Variants in C12orf42 observed in about 807,000 individuals in gnomAD.
C12orf42 encodes chromosome 12 open reading frame 42.
A neutral mutation model predicts 21.6 loss-of-function variants in C12orf42; 25 were observed. The observed-to-expected ratio is 1.16, with a 90% CI of 0.84 to 1.62. The LOEUF (loss-of-function observed/expected upper bound fraction) is 1.62. Among genes scored for constraint, C12orf42 ranks in the 40% most tolerant of loss-of-function variants. C12orf42 has a pLI of 0.00. For missense variants in C12orf42, 483 were observed against 459.3 expected (o/e 1.05, Z -0.47); for synonymous variants, 174 against 175.0 (o/e 0.99, Z 0.05).
At chr12:103,357,662 G>A (rs2043709565) in intron 4 of C12orf42, among the ~76,000 whole-genome samples, 1 of 152,030 alleles carries the variant, frequency 6.6e-6, no homozygotes, top group African/African-American at 2.4e-5. Context: ...ATAACATGGA[G>A]TCAGTCTTCA....
chr12:103,193,834 G>A, the C12orf42 span, among the ~76,000 whole-genome samples: 1 of 151,914 alleles, frequency 6.6e-6, no homozygotes, highest in African/African-American at 2.4e-5. Flanking sequence ...TTTTTTGTGA[G>A]CCCAGCATCA....
chr12:103,086,410 A>G, the C12orf42 span, among the ~76,000 whole-genome samples: 5 of 151,584 alleles, frequency 3.3e-5, no homozygotes, highest in Non-Finnish European at 5.9e-5. Context: ...ATTCATAGCA[A>G]ACCAAAGGAA....
intron 10 of C12orf42, among the ~76,000 whole-genome samples, chr12:103,241,465 ATC>A (rs2033741582): frequency 6.6e-6 from 1 of 152,186 alleles, no homozygotes; most frequent in South Asian, 2.1e-4. Context: ...TTTGAAAAAT[ATC>A]TGGCAAATTT....
intron 3 of C12orf42, among the ~76,000 whole-genome samples, chr12:103,373,857 A>G (rs183163966): frequency 6.6e-6 from 1 of 152,346 alleles, no homozygotes; most frequent in East Asian, 1.9e-4. Flanking sequence ...AATAGCCACT[A>G]GGTATACAAA....
chr12:103,077,209 A>C, the C12orf42 span, among the ~76,000 whole-genome samples: 3 of 152,242 alleles, frequency 2.0e-5, 1 homozygote, highest in South Asian at 4.1e-4. Flanking sequence ...TGTTTTACAA[A>C]TCTGGAAGCA....
downstream of C12orf42, among the ~76,000 whole-genome samples, chr12:103,236,604 A>C (rs556034304): frequency 2.0e-5 from 3 of 152,336 alleles, no homozygotes; most frequent in East Asian, 3.9e-4. Flanking sequence ...TGAATGACCA[A>C]GATTTCATTT....
the C12orf42 span, among the ~76,000 whole-genome samples, chr12:103,520,693 GA>G: frequency 2.7e-5 from 4 of 147,964 alleles, no homozygotes; most frequent in South Asian, 2.1e-4. Context: ...AAAACATAAT[GA>G]AAAAAAAAAT....
chr12:103,167,271 G>T, the C12orf42 span, among the ~76,000 whole-genome samples: 1 of 152,124 alleles, frequency 6.6e-6, no homozygotes, highest in African/African-American at 2.4e-5. Context: ...ACCAAGTCTG[G>T]CAGGAGATTA....
intron 10 of C12orf42, among the ~76,000 whole-genome samples, chr12:103,252,491 T>C (rs1368365378): frequency 6.6e-6 from 1 of 152,228 alleles, no homozygotes. Context: ...CCATTCTAAC[T>C]GGTGTGAGAT....
chr12:103,531,016 A>G, the C12orf42 span, among the ~76,000 whole-genome samples: 1 of 152,196 alleles, frequency 6.6e-6, no homozygotes, highest in Non-Finnish European at 1.5e-5. Flanking sequence ...GTTTGTCACA[A>G]TATTTTCCCA....
chr12:103,474,775 A>G (rs1421295335), intron 2 of C12orf42, among the ~76,000 whole-genome samples: 1 of 152,198 alleles, frequency 6.6e-6, no homozygotes, highest in Non-Finnish European at 1.5e-5. Flanking sequence ...AATTTTTACC[A>G]AAGCCAGGGT....
the C12orf42 span, among the ~76,000 whole-genome samples, chr12:103,189,891 G>A: frequency 1.2e-4 from 18 of 152,130 alleles, no homozygotes; most frequent in Admixed American, 1.1e-3. Flanking sequence ...CTTTATCAAG[G>A]TCCAGTGTGA....
intron 3 of C12orf42, chr12:103,396,639 GT>G (rs1298934203): frequency 2.0e-5 from 3 of 152,184 alleles, no homozygotes; most frequent in African/African-American, 7.2e-5. Context: ...TAGTTGGCAA[GT>G]TTCTTGGGAG....
At chr12:103,050,009 GC>G in the C12orf42 span, among the ~76,000 whole-genome samples, 1 of 152,176 alleles carries the variant, frequency 6.6e-6, no homozygotes, top group Admixed American at 6.5e-5. Flanking sequence ...GTTATCTGTT[GC>G]CCCCCGCTAA....
the C12orf42 span, chr12:103,558,821 T>C: frequency 6.6e-6 from 1 of 152,140 alleles, no homozygotes; most frequent in Non-Finnish European, 1.5e-5. Flanking sequence ...AAACAAATAA[T>C]AACATATGCA....
the C12orf42 span, among the ~76,000 whole-genome samples, chr12:103,099,314 C>T: frequency 6.6e-6 from 1 of 152,200 alleles, no homozygotes; most frequent in African/African-American, 2.4e-5. Context: ...TGAGCATTTA[C>T]TCATCTCTAT....
At chr12:103,084,787 T>C in the C12orf42 span, among the ~76,000 whole-genome samples, 45 of 152,348 alleles carry the variant, frequency 3.0e-4, no homozygotes, top group East Asian at 8.3e-3. Context: ...CAACCAAGTA[T>C]GCATTGAGAT....
chr12:103,370,846 A>G (rs2045150885), intron 3 of C12orf42, among the ~76,000 whole-genome samples: 1 of 152,148 alleles, frequency 6.6e-6, no homozygotes, highest in Non-Finnish European at 1.5e-5. Context: ...AGTTCACCAT[A>G]TAACAAACCT....
At chr12:103,415,942 C>A (rs1488371019) in intron 2 of C12orf42, among the ~76,000 whole-genome samples, 1 of 152,004 alleles carries the variant, frequency 6.6e-6, no homozygotes, top group Non-Finnish European at 1.5e-5. Flanking sequence ...AAAAAACTCT[C>A]TGCCTTTTTC....
Sources: allele counts gnomAD v4.1 joint callset (sites outside exome capture counted in the v4.1 genomes callset), GRCh38; gene constraint gnomAD v4.1.1; transcripts MANE v1.5; gene names NCBI Gene and HGNC (gene_info 2026-07-23, HGNC 2026-07-21).